The following DLGAP1 variants were observed in gnomAD, a reference collection of about 807,000 sequenced individuals.
DLGAP1 encodes the protein DLG associated protein 1.
A neutral mutation model predicts 90.8 loss-of-function variants in DLGAP1; 11 were observed. The observed-to-expected ratio is 0.12, with a 90% CI of 0.08 to 0.20. DLGAP1 has a LOEUF of 0.20. DLGAP1 is among the 10% of genes least tolerant of loss of function. The pLI is 1.00. For missense variants in DLGAP1, 1,050 were observed against 1,333.8 expected (o/e 0.79, Z 3.31); for synonymous variants, 558 against 540.7 (o/e 1.03, Z -0.44).
At chr18:3,741,296 C>T (rs1276552789) in intron 6 of DLGAP1, among the ~76,000 whole-genome samples, 23 of 132,692 alleles carry the variant, frequency 1.7e-4, no homozygotes, top group South Asian at 2.6e-4. Context: ...ACCACCACCA[C>T]CACCACATCA....
intron 1 of DLGAP1, among the ~76,000 whole-genome samples, chr18:4,376,055 C>A (rs1226699604): frequency 6.6e-6 from 1 of 152,024 alleles, no homozygotes; most frequent in Non-Finnish European, 1.5e-5. Context: ...AGGAGAAGAA[C>A]CTTTCAGAAG....
chr18:4,437,865 T>G (rs2083439915), intron 1 of DLGAP1, among the ~76,000 whole-genome samples: 1 of 152,150 alleles, frequency 6.6e-6, no homozygotes, highest in African/African-American at 2.4e-5. Context: ...AAATAGTAAT[T>G]AACATATATA....
intron 2 of DLGAP1, among the ~76,000 whole-genome samples, chr18:4,075,901 A>G (rs574533107): frequency 4.0e-4 from 61 of 152,248 alleles, no homozygotes; most frequent in African/African-American, 1.4e-3. Context: ...TTGTTGTTTT[A>G]TCAGAATCTG....
intron 1 of DLGAP1, among the ~76,000 whole-genome samples, chr18:4,199,192 C>A (rs2077560808): frequency 6.6e-6 from 1 of 152,246 alleles, no homozygotes; most frequent in South Asian, 2.1e-4. Flanking sequence ...CACTGCTGAT[C>A]CTGCCTGGAC....
chr18:4,245,697 C>T (rs538959034), intron 1 of DLGAP1, among the ~76,000 whole-genome samples: 5 of 152,274 alleles, frequency 3.3e-5, no homozygotes, highest in Admixed American at 6.5e-5. Flanking sequence ...TGGGTGGTAT[C>T]GCTTTGCCAA....
chr18:4,305,243 A>G (rs1436940500), intron 1 of DLGAP1, among the ~76,000 whole-genome samples: 1 of 151,352 alleles, frequency 6.6e-6, no homozygotes, highest in African/African-American at 2.4e-5. Context: ...GAACAATAAC[A>G]TGAAAAACCA....
chr18:3,742,886 T>G (rs190406235), intron 5 of DLGAP1, among the ~76,000 whole-genome samples: 1 of 152,216 alleles, frequency 6.6e-6, no homozygotes, highest in Non-Finnish European at 1.5e-5. Flanking sequence ...CTTTTTGTTT[T>G]TGGACTGTTT....
chr18:3,583,434 CTCTG>C (rs1377159441), intron 7 of DLGAP1, among the ~76,000 whole-genome samples: 1 of 152,046 alleles, frequency 6.6e-6, no homozygotes. Flanking sequence ...CTATCTCTCT[CTCTG>C]TCTTTTTCTG....
chr18:4,096,664 G>C (rs2075685014), intron 2 of DLGAP1, among the ~76,000 whole-genome samples: 1 of 152,154 alleles, frequency 6.6e-6, no homozygotes, highest in South Asian at 2.1e-4. Context: ...TAGATCTCAA[G>C]GGAGAATGGA....
At chr18:3,561,345 A>C (rs1331454123) in intron 9 of DLGAP1, among the ~76,000 whole-genome samples, 1 of 139,614 alleles carries the variant, frequency 7.2e-6, no homozygotes, top group East Asian at 2.2e-4. Flanking sequence ...CTGAGGCAGG[A>C]GTATCGCTTG....
chr18:4,307,429 G>T (rs145866142), intron 1 of DLGAP1, among the ~76,000 whole-genome samples: 76 of 152,096 alleles, frequency 5.0e-4, no homozygotes, highest in African/African-American at 1.8e-3. Flanking sequence ...TATTCATTTG[G>T]TAAATATTTT....
At chr18:4,323,365 C>A (rs1479269408) in intron 1 of DLGAP1, among the ~76,000 whole-genome samples, 1 of 152,168 alleles carries the variant, frequency 6.6e-6, no homozygotes, top group Non-Finnish European at 1.5e-5. Flanking sequence ...ATTACAGAAA[C>A]CAGTATGGAG....
intron 3 of DLGAP1, among the ~76,000 whole-genome samples, chr18:3,939,484 A>C (rs942866420): frequency 1.2e-4 from 18 of 151,878 alleles, no homozygotes; most frequent in Non-Finnish European, 1.9e-4. Flanking sequence ...AAAACCCCCC[A>C]AAAACCAAAA....
At chr18:4,113,641 G>T (rs918672331) in intron 2 of DLGAP1, among the ~76,000 whole-genome samples, 1 of 151,986 alleles carries the variant, frequency 6.6e-6, no homozygotes, top group East Asian at 1.9e-4. Context: ...ACCAATTTTG[G>T]TTTTAGTTGC....
intron 1 of DLGAP1, among the ~76,000 whole-genome samples, chr18:4,212,668 A>G (rs1466019466): frequency 1.3e-5 from 2 of 151,654 alleles, no homozygotes; most frequent in Admixed American, 6.6e-5. Context: ...ATACCTCATC[A>G]TAGGTCCTTT....
chr18:3,777,321 A>G (rs556517238), intron 5 of DLGAP1, among the ~76,000 whole-genome samples: 51 of 152,212 alleles, frequency 3.4e-4, no homozygotes, highest in Non-Finnish European at 1.9e-4. Flanking sequence ...ACTTCATGAT[A>G]AAATGCATCC....
intron 3 of DLGAP1, among the ~76,000 whole-genome samples, chr18:3,946,570 G>A (rs2072882221): frequency 6.6e-6 from 1 of 152,094 alleles, no homozygotes; most frequent in African/African-American, 2.4e-5. Context: ...TATTAGTGAT[G>A]GGGGTTTTCT....
intron 7 of DLGAP1, among the ~76,000 whole-genome samples, chr18:3,644,400 AT>A (rs199696609): frequency 9.1e-4 from 117 of 128,166 alleles, no homozygotes; most frequent in African/African-American, 3.6e-3. Context: ...ATACTATTTT[AT>A]TTTATTTATT....
At position 4,179,506 on chromosome 18, in the gene DLGAP1, G is replaced by A. The variant is rs117280635; in HGVS notation, c.-266-28219C>T. ...TGATTCAGTGCCTATTGAGTACCAC[G>A]CACTGTGATAAGTGTCTTACATTAA... On this transcript the variant is annotated intron_variant, in intron 1 of 12. Transcript: ENST00000315677. Among the ~76,000 whole-genome samples the A allele has an allele frequency of 1.1e-3, 174 of 152,134 alleles. 1 individual carries two copies. Among genetic ancestry groups the A allele is most frequent in the Non-Finnish European group, 1.0e-3 (68 of 67,998 alleles).
Sources: gnomAD v4.1 joint callset for allele counts (sites outside exome capture counted in the v4.1 genomes callset) on GRCh38, gnomAD v4.1.1 for gene constraint, MANE v1.5 for transcripts, NCBI Gene and HGNC (gene_info 2026-07-23, HGNC 2026-07-21) for gene names.